Variants in PRDM2 observed in about 807,000 individuals in gnomAD.
The protein encoded by PRDM2 is PR/SET domain 2, also known as PR domain zinc finger protein 2.
A neutral mutation model predicts 130.0 loss-of-function variants in PRDM2; 30 were observed. The ratio of observed to expected loss-of-function variants is 0.23; its 90% CI spans 0.17 to 0.31. The LOEUF (loss-of-function observed/expected upper bound fraction) is 0.31. Ranked by LOEUF, PRDM2 falls within the 10% of genes least tolerant of loss-of-function variation. The pLI is 1.00. For synonymous variants in PRDM2, 871 were observed against 782.4 expected, an observed-to-expected ratio of 1.11 and a Z score of -1.89; for missense variants, 2,011 against 2,108.4, an observed-to-expected ratio of 0.95 and a Z score of 0.90.
intron 5 of PRDM2, among the ~76,000 whole-genome samples, chr1:13,746,583 G>A (rs891029678): frequency 1.2e-4 from 18 of 148,700 alleles, no homozygotes; most frequent in African/African-American, 3.8e-4. Flanking sequence ...TTAAGATAGG[G>A]TCTCACTCTG....
At position 13,771,905 on chromosome 1, in the gene PRDM2, GT is replaced by G. The variant is rs1644368804; in HGVS notation, c.512-1169del. ...TGATGTTTCTACTTTTAATCTAGAT[GT>G]TTTCAATGATGCTATTTTATGTCTC... On this transcript the variant is annotated intron_variant, in intron 6 of 9. Transcript: ENST00000311066. This position sits in a 1 kb window ranked among gnomAD's most constrained non-coding sequence, Gnocchi z 4.1. 1.3e-5 allele frequency: 2 copies of G among 152,242 alleles called. No homozygotes were observed. Among genetic ancestry groups the G allele is most frequent in the South Asian group, 4.1e-4 (2 of 4,824 alleles). 9.4% of individuals were successfully genotyped at this position (152,242 alleles called of 1,614,324 possible). A position where few individuals can be genotyped will look rare whatever the true frequency, so the allele number is the denominator to read the frequency against.
intron 6 of PRDM2, 35 bp downstream of exon 6, chr1:13,749,522 C>A (rs1011322828): frequency 2.8e-5 from 35 of 1,265,110 alleles, no homozygotes; most frequent in Non-Finnish European, 3.3e-5. Context: ...CCGGCCCCGG[C>A]GCCACGCCCG....
intron 2 of PRDM2, among the ~76,000 whole-genome samples, chr1:13,719,218 A>G (rs1642645538): frequency 6.6e-6 from 1 of 152,206 alleles, no homozygotes; most frequent in Non-Finnish European, 1.5e-5. Context: ...GTAGAACTGA[A>G]ACTTAGGTAA....
chr1:13,763,653 A>G (rs907853312), intron 6 of PRDM2, among the ~76,000 whole-genome samples: 1 of 152,200 alleles, frequency 6.6e-6, no homozygotes, highest in Non-Finnish European at 1.5e-5. Flanking sequence ...AAAGTGTTAT[A>G]TTTTGTCTCA....
chr1:13,786,646 G>T, intron 8 of PRDM2: 1 of 1,555,180 alleles, frequency 6.4e-7, no homozygotes, highest in Non-Finnish European at 8.6e-7. Context: ...AGTTGAAGCT[G>T]ACTCAAAAAT....
chr1:13,762,101 C>T (rs981343102), intron 6 of PRDM2, among the ~76,000 whole-genome samples: 5 of 152,180 alleles, frequency 3.3e-5, no homozygotes, highest in African/African-American at 4.8e-5. Flanking sequence ...TCCTTACAAT[C>T]GATTCCATTT....
At chr1:13,741,185 A>G (rs908026563) in intron 4 of PRDM2, among the ~76,000 whole-genome samples, 1 of 152,176 alleles carries the variant, frequency 6.6e-6, no homozygotes, top group Non-Finnish European at 1.5e-5. Context: ...TGCCAAATAG[A>G]TGTTCTTTTA....
At chr1:13,783,619 C>G (rs1315150033) in intron 8 of PRDM2, among the ~76,000 whole-genome samples, 1 of 152,128 alleles carries the variant, frequency 6.6e-6, no homozygotes, top group East Asian at 1.9e-4. Flanking sequence ...CCTGTGCTTC[C>G]TATATTAAGA....
intron 6 of PRDM2, among the ~76,000 whole-genome samples, chr1:13,770,711 A>G (rs185898221): frequency 6.6e-6 from 1 of 152,334 alleles, no homozygotes; most frequent in East Asian, 1.9e-4. Context: ...TCAGTAAAAA[A>G]AGGCCACATT....
intron 1 of PRDM2, chr1:13,705,622 C>T (rs759670319): frequency 7.2e-5 from 11 of 152,228 alleles, no homozygotes; most frequent in African/African-American, 2.2e-4. Flanking sequence ...TGTGCTTGGA[C>T]GTGTTCTTCC....
intron 2 of PRDM2, among the ~76,000 whole-genome samples, chr1:13,718,587 C>T (rs1282470785): frequency 1.3e-5 from 2 of 152,184 alleles, no homozygotes; most frequent in Non-Finnish European, 2.9e-5. Context: ...TCTTTGCTTT[C>T]TTTCTCTTCC....
intron 1 of PRDM2, among the ~76,000 whole-genome samples, chr1:13,702,596 G>A (rs1305189015): frequency 2.6e-5 from 4 of 151,986 alleles, no homozygotes; most frequent in East Asian, 1.9e-4. Context: ...ATATATCTGC[G>A]CCTATTCTTT....
chr1:13,750,953 A>C (rs1434605206), intron 6 of PRDM2, among the ~76,000 whole-genome samples: 1 of 152,164 alleles, frequency 6.6e-6, no homozygotes, highest in African/African-American at 2.4e-5. Flanking sequence ...AGGGGGCTGG[A>C]GATGGGGAGG....
At chr1:13,717,545 T>C in intron 2 of PRDM2, 2 of 554,902 alleles carry the variant, frequency 3.6e-6, no homozygotes, top group Non-Finnish European at 4.6e-6. Flanking sequence ...CCTTAATTCT[T>C]GTACAGTATT....
intron 6 of PRDM2, among the ~76,000 whole-genome samples, chr1:13,764,239 C>CG (rs35005901): frequency 6.6e-6 from 1 of 152,072 alleles, no homozygotes; most frequent in African/African-American, 2.4e-5. Context: ...TTTTCAGCCA[C>CG]GGGGGGCTGA....
intron 8 of PRDM2, chr1:13,787,343 T>G: frequency 1.0e-6 from 1 of 984,972 alleles, no homozygotes; most frequent in Non-Finnish European, 1.2e-6. Flanking sequence ...GCATCTCTAA[T>G]AGAGATTAAA....
rs1644623346 is a variant in PRDM2, at chr1:13,781,997, A to C, written c.4202A>C (p.Lys1401Thr). 6.2e-7 allele frequency: 1 copy of C among 1,614,114 alleles called. No individual in the cohort carries two copies. Among genetic ancestry groups the C allele is most frequent in the South Asian group, 1.1e-5 (1 of 91,086 alleles). ...KNAFRRMGQP[K>T]RLNFSVELSK... ...GCCTTCCGACGAATGGGACAGCCCA[A>C]AAGGCTTAACTTTAGTGTTGAGCTC... Residue 1401 changes from lysine (K) to threonine (T), a missense_variant, in exon 8 of 10, where the codon AAA becomes ACA. Coordinates refer to ENST00000311066, the MANE Select transcript of PRDM2 (RefSeq NM_001393986.1). This position sits in a 1 kb window ranked among gnomAD's most constrained non-coding sequence, Gnocchi z 6.1.
chr1:13,791,385 T>G (rs991749437), intron 8 of PRDM2, among the ~76,000 whole-genome samples: 3 of 152,168 alleles, frequency 2.0e-5, no homozygotes, highest in African/African-American at 7.2e-5. Context: ...AGCCATGTGG[T>G]TCATCAACGG....
chr1:13,768,043 A>G (rs906524426), intron 6 of PRDM2, among the ~76,000 whole-genome samples: 16 of 151,818 alleles, frequency 1.1e-4, no homozygotes, highest in African/African-American at 3.9e-4. Flanking sequence ...AACTATTAAG[A>G]GAAAGAACAT....
Sources: gnomAD v4.1 joint callset for allele counts (sites outside exome capture counted in the v4.1 genomes callset) on GRCh38, gnomAD v4.1.1 for gene constraint, Gnocchi (gnomAD v3.1) non-coding constraint, MANE v1.5 for transcripts, NCBI Gene and HGNC (gene_info 2026-07-23, HGNC 2026-07-21) for gene names.